The following ADGRB3 variants were observed in gnomAD, a reference collection of about 807,000 sequenced individuals.
The protein encoded by ADGRB3 is adhesion G protein-coupled receptor B3.
A neutral mutation model predicts 193.4 loss-of-function variants in ADGRB3; 37 were observed. The observed-to-expected ratio is 0.19, with a 90% confidence interval of 0.15 to 0.25. ADGRB3 has a LOEUF of 0.25. ADGRB3 is among the 10% of genes least tolerant of loss of function. The pLI is 1.00. For missense variants in ADGRB3, 1,637 were observed against 1,852.9 expected (o/e 0.88, Z 2.14); for synonymous variants, 690 against 644.2 (o/e 1.07, Z -1.08).
intron 20 of ADGRB3, among the ~76,000 whole-genome samples, chr6:69,269,094 A>G (rs1767114920): frequency 6.6e-6 from 1 of 152,188 alleles, no homozygotes; most frequent in African/African-American, 2.4e-5. Context: ...AAAACAATGT[A>G]ATACAGTTGG....
intron 8 of ADGRB3, among the ~76,000 whole-genome samples, chr6:68,970,092 G>A (rs755522531): frequency 3.9e-5 from 6 of 151,966 alleles, no homozygotes; most frequent in Admixed American, 2.6e-4. Flanking sequence ...TTATTGTACC[G>A]CACACTGCCA....
At chr6:68,945,257 A>G (rs1490191304) in intron 6 of ADGRB3, among the ~76,000 whole-genome samples, 2 of 152,110 alleles carry the variant, frequency 1.3e-5, no homozygotes, top group Non-Finnish European at 2.9e-5. Context: ...ACTAATATAA[A>G]TATTTCCTAA....
intron 17 of ADGRB3, among the ~76,000 whole-genome samples, chr6:69,181,172 C>T (rs1606292): frequency 0.14 from 21,553 of 151,986 alleles, 1,577 homozygotes; most frequent in Middle Eastern, 0.16. Context: ...TGTGGGGTGT[C>T]CTTTATGATT....
In ADGRB3 at chr6:68,984,522, A is replaced by T. The variant is rs190653192; in HGVS notation, c.1734+9182A>T. Among the ~76,000 whole-genome samples, 14 of 152,332 alleles carry T rather than the reference A, an allele frequency of 9.2e-5. No individual in the cohort carries two copies. In the East Asian group the frequency reaches 2.1e-3, roughly 23 times the overall value. On this transcript the variant is annotated intron_variant, in intron 10 of 31. Coordinates refer to ENST00000370598, the MANE Select transcript of ADGRB3 (RefSeq NM_001704.3). ...AGAACAGGAGATTAGGAAGTAAAAAATGGTTGTGTATTTATCCCTTTCTAA... is the reference window on the plus strand; with the variant it reads ...AGAACAGGAGATTAGGAAGTAAAAATTGGTTGTGTATTTATCCCTTTCTAA...
chr6:69,122,260 T>C (rs1773727121), intron 17 of ADGRB3, among the ~76,000 whole-genome samples: 1 of 151,046 alleles, frequency 6.6e-6, no homozygotes, highest in Non-Finnish European at 1.5e-5. Flanking sequence ...ACCAGCCTGG[T>C]CAACAGGGCG....
chr6:68,930,231 AAAC>A (rs1767301704), intron 3 of ADGRB3, among the ~76,000 whole-genome samples: 1 of 152,042 alleles, frequency 6.6e-6, no homozygotes, highest in Admixed American at 6.6e-5. Flanking sequence ...CTCTCTAAAA[AAAC>A]AACAGTTAAC....
chr6:69,007,689 TCTCTCACA>T (rs199739759), intron 11 of ADGRB3, among the ~76,000 whole-genome samples: 9,979 of 118,138 alleles, frequency 0.084, 307 homozygotes, highest in Middle Eastern at 0.14. Context: ...TCTCTCTCTC[TCTCTCACA>T]CACACACACA....
intron 3 of ADGRB3, among the ~76,000 whole-genome samples, chr6:68,724,453 T>G (rs992370967): frequency 6.6e-6 from 1 of 151,692 alleles, no homozygotes; most frequent in Non-Finnish European, 1.5e-5. Context: ...AATAAATTAT[T>G]GCTTATGGTG....
chr6:69,104,667 G>T (rs12524131), intron 17 of ADGRB3, among the ~76,000 whole-genome samples: 9,376 of 151,700 alleles, frequency 0.062, 359 homozygotes, highest in South Asian at 0.11. Context: ...CTACTTTTGT[G>T]GTAAGAAAAC....
chr6:68,941,839 A>G (rs1454298288), intron 5 of ADGRB3, among the ~76,000 whole-genome samples: 1 of 151,352 alleles, frequency 6.6e-6, no homozygotes, highest in Non-Finnish European at 1.5e-5. Context: ...TCATATATAC[A>G]TATATGAATA....
At chr6:69,014,241 G>A (rs1372141874) in intron 12 of ADGRB3, 135 bp downstream of exon 12, 1 of 571,580 alleles carries the variant, frequency 1.7e-6, no homozygotes, top group Non-Finnish European at 3.0e-6. Context: ...AGTAATTTTT[G>A]AGGAAACAAA....
At chr6:69,198,720 A>G (rs575104230) in intron 17 of ADGRB3, among the ~76,000 whole-genome samples, 2 of 152,238 alleles carry the variant, frequency 1.3e-5, no homozygotes, top group South Asian at 2.1e-4. Context: ...GTAGGGCCAT[A>G]TAGTCATCTG....
rs34902902 is a variant in ADGRB3 at position 68,862,131 on chromosome 6, ACCC to A, written c.758-68419_758-68417del. On this transcript the variant is annotated intron_variant, in intron 3 of 31. Transcript: ENST00000370598. ...TCACTATGTTTAAAGAGGAGGAGGG[ACCC>A]CCCCCCCCACCCCAATTCAGCAATG... Among the ~76,000 whole-genome samples the A allele has an allele frequency of 2.1e-3, 302 of 141,414 alleles. 1 individual carries two copies. Among genetic ancestry groups the A allele is most frequent in the African/African-American group, 5.9e-3 (228 of 38,754 alleles). 92.8% of individuals were successfully genotyped at this position (141,414 alleles called of 152,430 possible).
intron 20 of ADGRB3, among the ~76,000 whole-genome samples, chr6:69,303,372 C>G (rs1261867061): frequency 6.6e-6 from 1 of 151,886 alleles, no homozygotes; most frequent in African/African-American, 2.4e-5. Context: ...CTCCTTCCAC[C>G]TCGTCTGCCT....
At position 69,348,330 on chromosome 6, in the gene ADGRB3, C is replaced by T. The variant is rs117936887; in HGVS notation, c.3460-5903C>T. On this transcript the variant is annotated intron_variant, in intron 26 of 31. Coordinates refer to ENST00000370598, the MANE Select transcript of ADGRB3 (RefSeq NM_001704.3). The stretch of plus-strand genomic sequence containing the variant: ...CCCAGCTGTTCCCTACTCTGGGTAG[C>T]AGCATGGTGCTTCTGTCTCTAGTCA... Among the ~76,000 whole-genome samples, 1,253 of 152,084 alleles carry T rather than the reference C, an allele frequency of 8.2e-3. 10 individuals are homozygous for T. The highest frequency in any genetic ancestry group is 0.013 in the Non-Finnish European group (866 of 67,990).
At chr6:68,651,624 G>T (rs1351928105) in intron 3 of ADGRB3, among the ~76,000 whole-genome samples, 1 of 152,098 alleles carries the variant, frequency 6.6e-6, no homozygotes, top group Non-Finnish European at 1.5e-5. Flanking sequence ...TTAGGCAAAA[G>T]AAATAAGTAA....
rs539839979 is a variant in ADGRB3, at chr6:68,637,621, A to G, written c.-16+59A>G. The G allele has an allele frequency of 5.9e-5, 9 of 152,754 alleles. 1 individual carries two copies. The East Asian group carries it at 1.5e-3, about 26-fold the overall frequency. The allele number at this position is 152,754 out of a possible 1,614,324, so 9.5% of individuals were successfully genotyped here. On this transcript the variant is annotated intron_variant, in intron 2 of 31. Coordinates refer to ENST00000370598, the MANE Select transcript of ADGRB3 (RefSeq NM_001704.3). ...AGCCAGGGTTAAAATTAAAAAAGAAAAGAAAAGAAAAGAGGAGCTTTGGAG... is the reference window on the plus strand; with the variant it reads ...AGCCAGGGTTAAAATTAAAAAAGAAGAGAAAAGAAAAGAGGAGCTTTGGAG...
chr6:68,734,050 AT>A (rs2127334757), intron 3 of ADGRB3, among the ~76,000 whole-genome samples: 1 of 152,106 alleles, frequency 6.6e-6, no homozygotes, highest in African/African-American at 2.4e-5. Context: ...AAGAATGTTA[AT>A]TTTAAGGTAC....
intron 3 of ADGRB3, among the ~76,000 whole-genome samples, chr6:68,707,370 T>C (rs1765342998): frequency 6.6e-6 from 1 of 152,128 alleles, no homozygotes; most frequent in Non-Finnish European, 1.5e-5. Context: ...AGAAACTCCT[T>C]TTCGGCAATA....
Sources: gnomAD v4.1 joint callset for allele counts (sites outside exome capture counted in the v4.1 genomes callset) on GRCh38, gnomAD v4.1.1 for gene constraint, MANE v1.5 for transcripts, NCBI Gene and HGNC (gene_info 2026-07-23, HGNC 2026-07-21) for gene names.